The following QSER1 variants were observed in gnomAD, a reference collection of about 807,000 sequenced individuals.
QSER1 encodes glutamine and serine-rich protein 1.
Under a neutral mutation model 158.5 loss-of-function variants are expected in QSER1, and 49 were observed. The observed-to-expected ratio is 0.31, with a 90% CI of 0.25 to 0.39. The LOEUF (loss-of-function observed/expected upper bound fraction) is 0.39. Ranked by LOEUF, QSER1 falls within the 10% of genes least tolerant of loss-of-function variation. The pLI is 1.00. For synonymous variants in QSER1, 650 were observed against 715.5 expected (o/e 0.91, Z 1.46); for missense variants, 1,754 against 2,010.3 (o/e 0.87, Z 2.44).
At chr11:32,941,393 C>A (rs558763911) in intron 4 of QSER1, among the ~76,000 whole-genome samples, 2,683 of 132,968 alleles carry the variant, frequency 0.02, 53 homozygotes, top group African/African-American at 0.045. Context: ...CTCCACCCCC[C>A]ACAACAGTCC....
intron 9 of QSER1, 32 bp from the exon 10 acceptor site, chr11:32,969,014 G>A (rs1476414232): frequency 8.5e-7 from 1 of 1,170,234 alleles, no homozygotes. Flanking sequence ...TTTATTGATA[G>A]TTTATCCTGT....
intron 4 of QSER1, among the ~76,000 whole-genome samples, chr11:32,948,509 G>A (rs142881017): frequency 9.9e-5 from 15 of 152,256 alleles, no homozygotes; most frequent in East Asian, 3.9e-4. Flanking sequence ...TGTGCCTGTC[G>A]TCCTAGCTAA....
In QSER1 at chr11:32,933,619, G is replaced by T; in HGVS notation, c.2361G>T (p.Lys787Asn). ...QVNNAATLDL[K>N]NSTNLIQTPQ... ...ATAATGCAGCTACCCTTGATCTTAA[G>T]AACTCAACTAATTTAATACAGACTC... is the stretch of plus-strand genomic sequence containing the variant. The change falls in exon 4 of 13, where the codon AAG becomes AAT. Residue 787 changes from lysine to asparagine, a missense_variant. Physicochemically the swap from Lys to Asn is moderately conservative, Grantham distance 94. Coordinates refer to ENST00000650167, the MANE Select transcript of QSER1 (RefSeq NM_001076786.3). 1 of 1,613,896 alleles carries T rather than the reference G, an allele frequency of 6.2e-7. No individual in the cohort carries two copies. Among genetic ancestry groups the T allele is most frequent in the Non-Finnish European group, 8.5e-7 (1 of 1,179,950 alleles).
chr11:32,968,360 A>T (rs1852787319), intron 9 of QSER1, among the ~76,000 whole-genome samples: 1 of 152,174 alleles, frequency 6.6e-6, no homozygotes, highest in Non-Finnish European at 1.5e-5. Flanking sequence ...GAAAGAATCT[A>T]ATAATCTAAA....
chr11:32,906,832 A>T (rs1461629314), intron 1 of QSER1, among the ~76,000 whole-genome samples: 1 of 152,208 alleles, frequency 6.6e-6, no homozygotes, highest in South Asian at 2.1e-4. Flanking sequence ...GTCTTCTTTC[A>T]TGCATATCCC....
chr11:32,972,987 A>G (rs1333885456), intron 10 of QSER1, among the ~76,000 whole-genome samples: 1 of 152,208 alleles, frequency 6.6e-6, no homozygotes, highest in Non-Finnish European at 1.5e-5. Flanking sequence ...TTTAAGTGGT[A>G]GGGCTTTAGT....
chr11:32,964,316 A>G (rs1380842372), intron 8 of QSER1, among the ~76,000 whole-genome samples: 1 of 152,080 alleles, frequency 6.6e-6, no homozygotes, highest in Non-Finnish European at 1.5e-5. Context: ...CCCTCCAAAT[A>G]CATGGTAGTG....
Position 32,932,224 on chromosome 11 carries a change from G to C in QSER1, c.966G>C (p.Gln322His). 5 of 1,614,174 alleles carry C rather than the reference G, an allele frequency of 3.1e-6. No individual in the cohort carries two copies. The highest frequency in any genetic ancestry group is 4.2e-6 in the Non-Finnish European group (5 of 1,180,030). The change falls in exon 4 of 13, where the codon CAG (glutamine) becomes CAC (histidine). Residue 322 changes from glutamine to histidine, a missense_variant. Physicochemically the swap from Gln to His is conservative, Grantham distance 24 (BLOSUM62 0). Around this residue, in one of 2 missense-constraint regions of QSER1, gnomAD observed 1,707 missense variants for 1,919.6 expected, o/e 0.89. Transcript: ENST00000650167. ...AATGTAGTGTTATTAAACACCATCA[G>C]CGGCCTTCAGGTACCCAGTCAATTC... is the stretch of plus-strand genomic sequence containing the variant. ...LRECSVIKHH[Q>H]RPSGTQSIQA...
intron 1 of QSER1, among the ~76,000 whole-genome samples, chr11:32,904,970 G>A (rs1688511259): frequency 6.6e-6 from 1 of 152,056 alleles, no homozygotes; most frequent in African/African-American, 2.4e-5. Flanking sequence ...CCACTTGCCT[G>A]GCATATAATA....
intron 5 of QSER1, 97 bp from the exon 6 acceptor site, chr11:32,955,199 C>T: frequency 1.5e-6 from 1 of 656,842 alleles, no homozygotes; most frequent in Non-Finnish European, 2.6e-6. Context: ...AAAGGTTGAG[C>T]TAGGGTAGGC....
intron 9 of QSER1, 142 bp from the exon 10 acceptor site, chr11:32,968,904 G>A: frequency 1.9e-6 from 1 of 533,496 alleles, no homozygotes; most frequent in Non-Finnish European, 3.2e-6. Context: ...AAAGCTTCAT[G>A]TCCAATTTTT....
chr11:32,925,538 A>T (rs924165445), intron 1 of QSER1, among the ~76,000 whole-genome samples: 1 of 140,882 alleles, frequency 7.1e-6, no homozygotes. Context: ...TTATTTATTT[A>T]TTTTTTGCAG....
chr11:32,956,169 TATTG>T, intron 7 of QSER1, 48 bp downstream of exon 7: 1 of 1,457,666 alleles, frequency 6.9e-7, no homozygotes, highest in Non-Finnish European at 9.5e-7. Flanking sequence ...ATAGGTGTAT[TATTG>T]ATGATACCAA....
At chr11:32,950,603 C>G (rs572660273) in intron 4 of QSER1, among the ~76,000 whole-genome samples, 85 of 152,214 alleles carry the variant, frequency 5.6e-4, no homozygotes, top group African/African-American at 2.0e-3. Context: ...TTAAAGTGTA[C>G]AGTTCAGTGG....
rs986607296 is a variant in QSER1, at chr11:32,976,546, G to C, written c.*72G>C. ...GATATGGGGTGGTCAAAGATAATCAGATGTCAAGTAGTGGCCTTCTGCAGG... is the reference window on the plus strand; with the variant it reads ...GATATGGGGTGGTCAAAGATAATCACATGTCAAGTAGTGGCCTTCTGCAGG... On this transcript the variant is annotated 3_prime_UTR_variant, in exon 13 of 13. Coordinates refer to ENST00000650167, the MANE Select transcript of QSER1 (RefSeq NM_001076786.3). The C allele has an allele frequency of 5.9e-6, 9 of 1,531,732 alleles. No homozygotes were observed. In the Admixed American group the frequency reaches 1.3e-4, roughly 22 times the overall value. The allele number at this position is 1,531,732 out of a possible 1,614,324, so 94.9% of individuals were successfully genotyped here.
At position 32,935,303 on chromosome 11, in the gene QSER1, C is replaced by T. The variant is rs1271271593; in HGVS notation, c.4045C>T (p.Leu1349Phe). Residue 1349 changes from leucine (L) to phenylalanine (F), a missense_variant, in exon 4 of 13, where the codon CTT becomes TTT. Leu to Phe is a conservative substitution (Grantham distance 22). Coordinates refer to ENST00000650167, the MANE Select transcript of QSER1 (RefSeq NM_001076786.3). ...NSPSDKVDNE[L>F]KNLEHLSSFS... is the part of the protein sequence containing the mutation. ...TCCATCAGATAAAGTTGATAATGAA[C>T]TTAAAAACTTGGAACATTTATCTTC... The T allele has an allele frequency of 2.5e-6, 4 of 1,613,584 alleles. No homozygotes were observed. The highest frequency in any genetic ancestry group is 1.7e-6 in the Non-Finnish European group (2 of 1,179,804).
In QSER1 at chr11:32,977,175, G is replaced by A. The variant is rs1852992637; in HGVS notation, c.*701G>A. ...TTTCGTTTATACTGTTTTTTCCTTT[G>A]GAAAATTTTCAATTGTACATTTTAT... On this transcript the variant is annotated 3_prime_UTR_variant, in exon 13 of 13. Transcript: ENST00000650167. 1 of 152,234 alleles carries A rather than the reference G, an allele frequency of 6.6e-6. No homozygotes were observed. Among genetic ancestry groups the A allele is most frequent in the Admixed American group, 6.6e-5 (1 of 15,242 alleles). The allele number at this position is 152,234 out of a possible 1,614,324, so 9.4% of individuals were successfully genotyped here.
In QSER1 at chr11:32,932,509, A is replaced by G; in HGVS notation, c.1251A>G (p.Pro417=). 1.2e-6 allele frequency: 2 copies of G among 1,614,168 alleles called. No homozygotes were observed. The highest frequency in any genetic ancestry group is 1.7e-6 in the Non-Finnish European group (2 of 1,180,026). ...TAAAAAGCTGTTCTACAGAACAACCACTGACATCAACCAAGACCCCTAAAC... is the reference window on the plus strand; with the variant it reads ...TAAAAAGCTGTTCTACAGAACAACCGCTGACATCAACCAAGACCCCTAAAC... The part of the protein sequence containing the change: ...TKIKSCSTEQ[P]LTSTKTPKPQ... Residue 417 remains proline (P), a synonymous_variant, in exon 4 of 13, where the codon CCA becomes CCG. Transcript: ENST00000650167.
chr11:32,929,516 G>A (rs1489204587), intron 3 of QSER1, among the ~76,000 whole-genome samples: 2 of 152,056 alleles, frequency 1.3e-5, no homozygotes, highest in Admixed American at 1.3e-4. Flanking sequence ...CTTAGAGCAC[G>A]ACTGATTTTA....
Sources: allele counts gnomAD v4.1 joint callset (sites outside exome capture counted in the v4.1 genomes callset), GRCh38; gene constraint gnomAD v4.1.1; regional missense constraint gnomAD v4.1.1; transcripts MANE v1.5; gene names NCBI Gene and HGNC (gene_info 2026-07-23, HGNC 2026-07-21).